Variants in SND1 observed in about 807,000 individuals in gnomAD.
SND1 encodes the protein staphylococcal nuclease and tudor domain containing 1, also known as staphylococcal nuclease domain-containing protein 1.
Under a neutral mutation model 121.7 loss-of-function variants are expected in SND1, and 38 were observed. The observed-to-expected ratio is 0.31, with a 90% confidence interval of 0.24 to 0.41. SND1 has a LOEUF of 0.41. SND1 is among the 10% of genes least tolerant of loss of function. SND1 has a pLI of 1.00. For missense variants in SND1, 868 were observed against 1,184.6 expected (o/e 0.73, Z 3.92); for synonymous variants, 401 against 447.4 (o/e 0.90, Z 1.31).
In SND1 at chr7:127,754,898, A is replaced by G. The variant is rs551089726; in HGVS notation, c.1152+33498A>G. ...ATCAGCATTAAAAGCCTAACAGAGT[A>G]TAGTATTCAAGTTGTAGGTCTTATT... On this transcript the variant is annotated intron_variant, in intron 10 of 23. Transcript: ENST00000354725. Among the ~76,000 whole-genome samples, 20 of 152,350 alleles carry G rather than the reference A, an allele frequency of 1.3e-4. 1 individual carries two copies. In the South Asian group the frequency reaches 4.1e-3, roughly 32 times the overall value.
At chr7:127,812,697 T>C (rs925672187) in intron 11 of SND1, among the ~76,000 whole-genome samples, 3 of 152,178 alleles carry the variant, frequency 2.0e-5, no homozygotes, top group African/African-American at 7.2e-5. Flanking sequence ...GACCAGTTTT[T>C]CACTCTGCTA....
At chr7:127,871,553 C>T (rs569697001) in intron 12 of SND1, among the ~76,000 whole-genome samples, 5 of 152,280 alleles carry the variant, frequency 3.3e-5, no homozygotes, top group African/African-American at 1.2e-4. Context: ...TTATGTAGTG[C>T]ATGACTGTAT....
At chr7:128,024,867 G>C (rs904334055) in intron 16 of SND1, among the ~76,000 whole-genome samples, 1 of 152,174 alleles carries the variant, frequency 6.6e-6, no homozygotes, top group Non-Finnish European at 1.5e-5. Context: ...TCTCATTGTT[G>C]AGCCGGGTAA....
chr7:127,971,397 A>T (rs1216719397), intron 15 of SND1, among the ~76,000 whole-genome samples: 1 of 152,190 alleles, frequency 6.6e-6, no homozygotes, highest in Non-Finnish European at 1.5e-5. Flanking sequence ...ACAGTGGTTA[A>T]AGGTAAGTTT....
At chr7:127,960,566 T>A (rs1028000670) in intron 15 of SND1, among the ~76,000 whole-genome samples, 1 of 152,236 alleles carries the variant, frequency 6.6e-6, no homozygotes, top group Admixed American at 6.5e-5. Context: ...TAAGTAATGA[T>A]GAATAATTAA....
Position 128,091,985 on chromosome 7 carries a change from TCTTAC to T in SND1, c.2668-7_2668-3del. The T allele has an allele frequency of 1.2e-6, 2 of 1,614,220 alleles. No individual in the cohort carries two copies. The highest frequency in any genetic ancestry group is 1.7e-6 in the Non-Finnish European group (2 of 1,180,022). The stretch of plus-strand genomic sequence containing the variant: ...CCCTGAAGAGCTATTGTCTGTTTTT[TCTTAC>T]AGCTGAACCTGTGGCGCTATGGAGA... On this transcript the variant is annotated splice_region_variant and splice_polypyrimidine_tract_variant and intron_variant, in intron 23 of 23. Transcript: ENST00000354725.
At chr7:127,997,039 A>G (rs1802678220) in intron 16 of SND1, among the ~76,000 whole-genome samples, 1 of 152,214 alleles carries the variant, frequency 6.6e-6, no homozygotes, top group African/African-American at 2.4e-5. Flanking sequence ...TCTCATTTTA[A>G]AAGTGTTTTC....
chr7:128,048,223 C>T (rs1792985060), intron 16 of SND1, among the ~76,000 whole-genome samples: 1 of 151,654 alleles, frequency 6.6e-6, no homozygotes, highest in South Asian at 2.1e-4. Flanking sequence ...ACCACAGCCT[C>T]AATTTCCAGG....
At chr7:127,818,556 G>A (rs1798490611) in intron 11 of SND1, among the ~76,000 whole-genome samples, 1 of 152,258 alleles carries the variant, frequency 6.6e-6, no homozygotes, top group East Asian at 1.9e-4. Flanking sequence ...GATTCTTAAT[G>A]TTCCTATTCC....
intron 14 of SND1, among the ~76,000 whole-genome samples, chr7:127,924,775 T>C (rs888074068): frequency 6.6e-6 from 1 of 152,182 alleles, no homozygotes; most frequent in African/African-American, 2.4e-5. Flanking sequence ...TTTAAACATA[T>C]ATTTGTATAC....
intron 14 of SND1, among the ~76,000 whole-genome samples, chr7:127,905,076 T>C (rs1047214587): frequency 4.6e-5 from 7 of 152,238 alleles, no homozygotes; most frequent in Admixed American, 4.6e-4. Context: ...TTAATTACTG[T>C]ATTTTGAGTT....
intron 12 of SND1, among the ~76,000 whole-genome samples, chr7:127,874,251 C>T (rs1799649569): frequency 2.0e-5 from 3 of 152,120 alleles, no homozygotes; most frequent in African/African-American, 7.2e-5. Flanking sequence ...TACAGCTTAG[C>T]ATTGCATCCT....
chr7:127,695,621 C>T (rs1052490396), intron 3 of SND1, among the ~76,000 whole-genome samples: 1 of 152,114 alleles, frequency 6.6e-6, no homozygotes, highest in Non-Finnish European at 1.5e-5. Flanking sequence ...CTCTTAAGCA[C>T]AAGAGTTCGA....
intron 16 of SND1, chr7:128,030,670 C>A: frequency 6.6e-7 from 1 of 1,524,428 alleles, no homozygotes; most frequent in South Asian, 1.3e-5. Context: ...TCACCATCGC[C>A]TGGGATTTTG....
chr7:127,777,563 A>G lies in SND1; in HGVS notation c.1153-29921A>G, dbSNP rs559952472. Among the ~76,000 whole-genome samples the G allele has an allele frequency of 5.3e-5, 8 of 152,352 alleles. No homozygotes were observed. In the East Asian group the frequency reaches 1.5e-3, roughly 29 times the overall value. ...TGGACAGTAGGGACATGATAGCACTATTAAATATTACTGGATGAGATGGGA... is the reference window on the plus strand; with the variant it reads ...TGGACAGTAGGGACATGATAGCACTGTTAAATATTACTGGATGAGATGGGA... On this transcript the variant is annotated intron_variant, in intron 10 of 23. Coordinates refer to ENST00000354725, the MANE Select transcript of SND1 (RefSeq NM_014390.4).
chr7:127,654,326 T>A (rs1201882113), intron 1 of SND1, among the ~76,000 whole-genome samples: 1 of 152,218 alleles, frequency 6.6e-6, no homozygotes, highest in East Asian at 1.9e-4. Flanking sequence ...TCAGCCACAT[T>A]TTATAGATGT....
intron 14 of SND1, among the ~76,000 whole-genome samples, chr7:127,923,507 C>G (rs985492668): frequency 6.6e-6 from 1 of 152,100 alleles, no homozygotes; most frequent in African/African-American, 2.4e-5. Flanking sequence ...CACAGGAGCT[C>G]GAGGGCATTC....
At chr7:128,082,802 A>G (rs1483188887) in intron 18 of SND1, among the ~76,000 whole-genome samples, 1 of 152,144 alleles carries the variant, frequency 6.6e-6, no homozygotes, top group Non-Finnish European at 1.5e-5. Flanking sequence ...GAACTTGAGC[A>G]AAAGGATGCG....
At chr7:127,699,976 G>T (rs957966032) in intron 4 of SND1, among the ~76,000 whole-genome samples, 1 of 152,120 alleles carries the variant, frequency 6.6e-6, no homozygotes, top group Non-Finnish European at 1.5e-5. Context: ...GGAGACATTT[G>T]CTGGACTCTA....
Sources: gnomAD v4.1 joint callset for allele counts (sites outside exome capture counted in the v4.1 genomes callset) on GRCh38, gnomAD v4.1.1 for gene constraint, MANE v1.5 for transcripts, NCBI Gene and HGNC (gene_info 2026-07-23, HGNC 2026-07-21) for gene names.